The following MYO18B variants were observed in gnomAD, a reference collection of about 807,000 sequenced individuals.
MYO18B encodes the protein unconventional myosin-XVIIIb.
MYO18B carries 204 observed loss-of-function variants against 273.0 expected under a neutral mutation model. That is an observed-to-expected ratio of 0.75 (90% CI 0.67 to 0.84). The LOEUF is 0.84. Ranked by LOEUF, MYO18B falls within the 40% of genes least tolerant of loss-of-function variation. The pLI is 0.00. For missense variants in MYO18B, 3,212 were observed against 3,287.6 expected (o/e 0.98, Z 0.56); for synonymous variants, 1,330 against 1,305.7 (o/e 1.02, Z -0.40).
intron 1 of MYO18B, among the ~76,000 whole-genome samples, chr22:25,755,841 G>T (rs1427330741): frequency 1.3e-5 from 2 of 152,138 alleles, no homozygotes; most frequent in East Asian, 3.9e-4. Flanking sequence ...GCAGATGCAG[G>T]TGCAGGTGCA....
intron 25 of MYO18B, 67 bp downstream of exon 25, chr22:25,878,115 G>A: frequency 8.1e-7 from 1 of 1,241,550 alleles, no homozygotes; most frequent in Non-Finnish European, 1.1e-6. Context: ...GTTTAATGGG[G>A]AGAACAATGA....
intron 34 of MYO18B, among the ~76,000 whole-genome samples, chr22:25,930,696 A>G (rs2092486657): frequency 6.6e-6 from 1 of 151,106 alleles, no homozygotes; most frequent in East Asian, 2.0e-4. Context: ...CTGGTCTTGA[A>G]CTCCTGGGCT....
intron 12 of MYO18B, among the ~76,000 whole-genome samples, chr22:25,807,623 G>A (rs1319328577): frequency 6.6e-6 from 1 of 152,058 alleles, no homozygotes; most frequent in Non-Finnish European, 1.5e-5. Flanking sequence ...ATGGCATGGT[G>A]GCTTCAGGAC....
Position 25,832,816 on chromosome 22 carries a change from A to G in MYO18B, c.2980-101A>G, listed in dbSNP as rs539517051. The G allele has an allele frequency of 2.7e-4, 271 of 996,750 alleles. 3 individuals are homozygous for G. The South Asian group carries it at 3.4e-3, about 12-fold the overall frequency. 61.7% of individuals were successfully genotyped at this position (996,750 alleles called of 1,614,324 possible). Reference sequence around the variant, plus strand: ...AAAAAAACGATTTTTTTAAAGGGCCAAGAGGTGATGGAAATCCTCTCCGCT... The same window carrying G: ...AAAAAAACGATTTTTTTAAAGGGCCGAGAGGTGATGGAAATCCTCTCCGCT... On this transcript the variant is annotated intron_variant, in intron 15 of 43. Transcript: ENST00000335473.
At chr22:25,974,688 C>T (rs1393394289) in intron 39 of MYO18B, among the ~76,000 whole-genome samples, 1 of 152,166 alleles carries the variant, frequency 6.6e-6, no homozygotes, top group African/African-American at 2.4e-5. Flanking sequence ...CCAGATTTGA[C>T]CTGAGGGTTG....
intron 39 of MYO18B, among the ~76,000 whole-genome samples, chr22:25,963,160 CCTCT>C (rs35189393): frequency 1.8e-4 from 24 of 132,852 alleles, no homozygotes; most frequent in South Asian, 7.6e-4. Context: ...TCCTCTTTCT[CCTCT>C]CTCTCTCTCT....
At chr22:25,951,223 G>T (rs182506837) in intron 37 of MYO18B, among the ~76,000 whole-genome samples, 1 of 152,310 alleles carries the variant, frequency 6.6e-6, no homozygotes, top group African/African-American at 2.4e-5. Flanking sequence ...TCCTTCAATG[G>T]AATCAAGTTG....
chr22:26,031,212 T>C (rs1201402414), downstream of MYO18B, among the ~76,000 whole-genome samples: 13 of 152,176 alleles, frequency 8.5e-5, no homozygotes, highest in Non-Finnish European at 1.9e-4. Context: ...ATAGACTCCA[T>C]ATCCTACCCC....
chr22:25,780,894 A>G (rs1345604463), intron 9 of MYO18B, among the ~76,000 whole-genome samples: 1 of 152,178 alleles, frequency 6.6e-6, no homozygotes, highest in Non-Finnish European at 1.5e-5. Flanking sequence ...TGTGACGAAC[A>G]CATGGCCTGT....
At chr22:25,777,499 C>G in intron 7 of MYO18B, 84 bp from the exon 8 acceptor site, 1 of 1,339,374 alleles carries the variant, frequency 7.5e-7, no homozygotes, top group Non-Finnish European at 9.9e-7. Context: ...GATCTGGACC[C>G]TAGGCCTGGG....
At chr22:25,835,518 G>A in intron 17 of MYO18B, 75 bp downstream of exon 17, 1 of 1,586,514 alleles carries the variant, frequency 6.3e-7, no homozygotes, top group Non-Finnish European at 8.6e-7. Flanking sequence ...CTGCTGCAGG[G>A]AAAGCCCTGA....
At chr22:25,831,257 G>A (rs572609879) in intron 15 of MYO18B, among the ~76,000 whole-genome samples, 1 of 152,144 alleles carries the variant, frequency 6.6e-6, no homozygotes, top group Admixed American at 6.5e-5. Flanking sequence ...TGCTTGCAGT[G>A]GTTAGATCTG....
the MYO18B span, among the ~76,000 whole-genome samples, chr22:26,037,204 C>T: frequency 0.18 from 28,030 of 152,126 alleles, 3,434 homozygotes; most frequent in African/African-American, 0.35. Context: ...CTTGGGTTTA[C>T]TCCTGGCTTT....
At chr22:26,004,429 A>G (rs894746159) in intron 41 of MYO18B, among the ~76,000 whole-genome samples, 1 of 152,218 alleles carries the variant, frequency 6.6e-6, no homozygotes, top group Non-Finnish European at 1.5e-5. Flanking sequence ...GAAGAGTGCC[A>G]TGATTAATAG....
chr22:25,760,354 G>A (rs1365724190), intron 1 of MYO18B, among the ~76,000 whole-genome samples: 1 of 138,862 alleles, frequency 7.2e-6, no homozygotes, highest in Non-Finnish European at 1.5e-5. Flanking sequence ...GGAGGTTGCA[G>A]TGAGCTGAGA....
At chr22:25,937,616 A>C (rs994350884) in intron 34 of MYO18B, among the ~76,000 whole-genome samples, 4 of 120,468 alleles carry the variant, frequency 3.3e-5, no homozygotes, top group East Asian at 2.4e-4. Context: ...ATGGAGTTTC[A>C]CTCTTGTTGC....
chr22:25,992,844 A>G (rs376780168), intron 40 of MYO18B, among the ~76,000 whole-genome samples: 30 of 152,302 alleles, frequency 2.0e-4, no homozygotes, highest in Admixed American at 5.9e-4. Flanking sequence ...ATCACATGCA[A>G]TTGCCAAGAT....
intron 12 of MYO18B, among the ~76,000 whole-genome samples, chr22:25,818,434 A>G (rs1012521243): frequency 6.6e-6 from 1 of 152,192 alleles, no homozygotes; most frequent in African/African-American, 2.4e-5. Context: ...CTCTTTGCAC[A>G]AGAATTTTGA....
Position 25,760,875 on chromosome 22 carries a change from A to G in MYO18B, c.-109-109A>G, listed in dbSNP as rs561007670. On this transcript the variant is annotated intron_variant, in intron 1 of 43. Coordinates refer to ENST00000335473, the MANE Select transcript of MYO18B (RefSeq NM_032608.7). ...ACAGTGTCTGTACCTGACTGTGCCC[A>G]TTCCCCCATGTGGTCTTGGTTTATG... 6.6e-6 allele frequency: 4 copies of G among 604,652 alleles called. No individual in the cohort carries two copies. The African/African-American group carries it at 7.4e-5, about 11-fold the overall frequency. 37.5% of individuals were successfully genotyped at this position (604,652 alleles called of 1,614,324 possible).
Sources: gnomAD v4.1 joint callset for allele counts (sites outside exome capture counted in the v4.1 genomes callset) on GRCh38, gnomAD v4.1.1 for gene constraint, MANE v1.5 for transcripts, NCBI Gene and HGNC (gene_info 2026-07-23, HGNC 2026-07-21) for gene names.